The following BCL2 variants were observed in gnomAD, a reference collection of about 807,000 sequenced individuals.
The protein encoded by BCL2 is apoptosis regulator Bcl-2.
In BCL2, 1 loss-of-function variant was observed where a neutral mutation model predicts 14.2. The observed-to-expected ratio is 0.07, with a 90% CI of 0.02 to 0.33. The LOEUF is 0.33. Among genes scored for constraint, BCL2 ranks in the 10% least tolerant of loss-of-function variants. BCL2 has a pLI of 0.99. For missense variants in BCL2, 247 were observed against 305.9 expected, an observed-to-expected ratio of 0.81 and a Z score of 1.44; for synonymous variants, 151 against 137.2, an observed-to-expected ratio of 1.10 and a Z score of -0.70.
At chr18:63,239,867 A>C (rs1485922570) in intron 2 of BCL2, among the ~76,000 whole-genome samples, 3 of 152,246 alleles carry the variant, frequency 2.0e-5, no homozygotes, top group Non-Finnish European at 4.4e-5. Flanking sequence ...TCAATAGGCC[A>C]AAGGGAAATG....
intron 2 of BCL2, among the ~76,000 whole-genome samples, chr18:63,243,415 T>C (rs1390491199): frequency 1.3e-5 from 2 of 152,146 alleles, no homozygotes; most frequent in East Asian, 3.8e-4. Context: ...TAATGAGTAC[T>C]GGGCTTAAAA....
At chr18:63,244,853 A>G (rs964175677) in intron 2 of BCL2, among the ~76,000 whole-genome samples, 2 of 152,212 alleles carry the variant, frequency 1.3e-5, no homozygotes, top group Admixed American at 1.3e-4. Context: ...TAGACCACAG[A>G]TGCAACTTTT....
At chr18:63,281,141 A>G (rs1912296660) in intron 2 of BCL2, among the ~76,000 whole-genome samples, 2 of 152,092 alleles carry the variant, frequency 1.3e-5, no homozygotes, top group South Asian at 2.1e-4. Flanking sequence ...AGAGGCAGGC[A>G]GTAGTATGGT....
In BCL2 at chr18:63,318,286, C is replaced by A. The variant is rs1205197259; in HGVS notation, c.381G>T (p.Arg127=). The A allele has an allele frequency of 6.2e-7, 1 of 1,614,070 alleles. No individual in the cohort carries two copies. Among genetic ancestry groups the A allele is most frequent in the African/African-American group, 1.3e-5 (1 of 74,954 alleles). ...SQLHLTPFTA[R]GRFATVVEEL... Reference sequence around the variant, plus strand: ...CCTCCACCACCGTGGCAAAGCGTCCCCGCGCGGTGAAGGGCGTCAGGTGCA... The same window carrying A: ...CCTCCACCACCGTGGCAAAGCGTCCACGCGCGGTGAAGGGCGTCAGGTGCA... The change falls in exon 2 of 3, where the codon CGG becomes CGT. Residue 127 remains arginine (R), a synonymous_variant. Transcript: ENST00000333681. The surrounding 1 kb of genome is among the most constrained non-coding windows in gnomAD (Gnocchi z 7.4).
In BCL2 at chr18:63,125,160, C is replaced by G. The variant is rs575950034; in HGVS notation, c.*3465G>C. 4 of 222,380 alleles carry G rather than the reference C, an allele frequency of 1.8e-5. No homozygotes were observed. The East Asian group carries it at 2.6e-4, about 15-fold the overall frequency. 13.8% of individuals were successfully genotyped at this position (222,380 alleles called of 1,614,324 possible). ...TTTTCCCACTGGGCCAGAGCTACAT[C>G]TTTAGATGATAAGCATTTACTAATA... On this transcript the variant is annotated 3_prime_UTR_variant, in exon 3 of 3. Transcript: ENST00000333681.
chr18:63,218,709 CCAT>C (rs1252286007), intron 2 of BCL2, among the ~76,000 whole-genome samples: 1 of 104,184 alleles, frequency 9.6e-6, no homozygotes, highest in Non-Finnish European at 2.0e-5. Flanking sequence ...CCACTCATCC[CCAT>C]CCTCCACTCC....
intron 2 of BCL2, among the ~76,000 whole-genome samples, chr18:63,202,674 A>G (rs895784455): frequency 6.6e-6 from 1 of 152,044 alleles, no homozygotes; most frequent in Admixed American, 6.6e-5. Flanking sequence ...GGCTACTTTG[A>G]TTAGGCATCA....
At chr18:63,152,216 A>G (rs956814849) in intron 2 of BCL2, among the ~76,000 whole-genome samples, 1 of 152,240 alleles carries the variant, frequency 6.6e-6, no homozygotes, top group African/African-American at 2.4e-5. Context: ...TATCTAACTA[A>G]GAGAAAACAA....
chr18:63,218,671 CA>C (rs1185459199), intron 2 of BCL2, among the ~76,000 whole-genome samples: 1 of 144,450 alleles, frequency 6.9e-6, no homozygotes, highest in African/African-American at 2.6e-5. Context: ...ATCCTCCAGT[CA>C]TCCCCATCCT....
chr18:63,191,535 C>G (rs1909291845), intron 2 of BCL2, among the ~76,000 whole-genome samples: 2 of 152,156 alleles, frequency 1.3e-5, no homozygotes, highest in African/African-American at 4.8e-5. Flanking sequence ...TGTCACTAAC[C>G]TACTCATATG....
At chr18:63,139,331 T>C (rs1219885143) in intron 2 of BCL2, among the ~76,000 whole-genome samples, 4 of 152,238 alleles carry the variant, frequency 2.6e-5, no homozygotes, top group Non-Finnish European at 4.4e-5. Context: ...ACCAGGTTAG[T>C]GTAATAAACC....
intron 2 of BCL2, among the ~76,000 whole-genome samples, chr18:63,303,115 A>G (rs937862933): frequency 2.0e-5 from 3 of 152,242 alleles, no homozygotes; most frequent in African/African-American, 7.2e-5. Flanking sequence ...AGGGAAAAGG[A>G]TCATACCAGA....
At chr18:63,288,019 G>A (rs1452641527) in intron 2 of BCL2, among the ~76,000 whole-genome samples, 1 of 152,194 alleles carries the variant, frequency 6.6e-6, no homozygotes, top group Non-Finnish European at 1.5e-5. Context: ...AGATGAGCAG[G>A]CGAGAGGAGG....
chr18:63,281,345 C>T (rs941756134), intron 2 of BCL2, among the ~76,000 whole-genome samples: 2 of 151,954 alleles, frequency 1.3e-5, no homozygotes, highest in Non-Finnish European at 2.9e-5. Context: ...ATACATTTTA[C>T]CACAATTTAA....
intron 2 of BCL2, among the ~76,000 whole-genome samples, chr18:63,165,495 G>T (rs115171781): frequency 6.6e-6 from 1 of 152,122 alleles, no homozygotes; most frequent in Non-Finnish European, 1.5e-5. Flanking sequence ...CCACATCCCT[G>T]GCCAATGGCT....
intron 2 of BCL2, among the ~76,000 whole-genome samples, chr18:63,145,245 AT>A (rs1914476715): frequency 6.6e-6 from 1 of 152,248 alleles, no homozygotes; most frequent in Non-Finnish European, 1.5e-5. Flanking sequence ...CAGCTCAACT[AT>A]TCTTGCTGGA....
At chr18:63,274,793 G>T (rs1379734470) in intron 2 of BCL2, among the ~76,000 whole-genome samples, 1 of 152,108 alleles carries the variant, frequency 6.6e-6, no homozygotes, top group Non-Finnish European at 1.5e-5. Context: ...CCCAAATGAA[G>T]AAGCTTTCAA....
At chr18:63,217,733 C>T (rs1276602202) in intron 2 of BCL2, among the ~76,000 whole-genome samples, 1 of 152,170 alleles carries the variant, frequency 6.6e-6, no homozygotes, top group Admixed American at 6.5e-5. Flanking sequence ...CCTCAGTTTC[C>T]TTAAGTAAAA....
chr18:63,198,297 C>T (rs1297119453), intron 2 of BCL2, among the ~76,000 whole-genome samples: 1 of 150,544 alleles, frequency 6.6e-6, no homozygotes, highest in South Asian at 2.1e-4. Context: ...GACACAGAGA[C>T]ACACACAGAC....
Sources: gnomAD v4.1 joint callset for allele counts (sites outside exome capture counted in the v4.1 genomes callset) on GRCh38, gnomAD v4.1.1 for gene constraint, Gnocchi (gnomAD v3.1) non-coding constraint, MANE v1.5 for transcripts, NCBI Gene and HGNC (gene_info 2026-07-23, HGNC 2026-07-21) for gene names.